GJA8: variants seen among roughly 807,000 people sequenced by gnomAD.
The protein encoded by GJA8 is gap junction protein alpha 8, also known as gap junction alpha-8 protein.
A neutral mutation model predicts 15.3 loss-of-function variants in GJA8; 13 were observed. The ratio of observed to expected loss-of-function variants is 0.85; its 90% CI spans 0.55 to 1.35. The LOEUF is 1.35. GJA8 is among the 40% of genes most tolerant of loss of function. The pLI is 0.00. For synonymous variants in GJA8, 304 were observed against 238.7 expected, an observed-to-expected ratio of 1.27 and a Z score of -2.52; for missense variants, 607 against 553.3, an observed-to-expected ratio of 1.10 and a Z score of -0.97.
At chr1:147,905,873 AT>A (rs1651778685) in intron 1 of GJA8, among the ~76,000 whole-genome samples, 1 of 152,194 alleles carries the variant, frequency 6.6e-6, no homozygotes, top group Non-Finnish European at 1.5e-5. Context: ...ATGACTGGGG[AT>A]GCCACAGCTG....
chr1:147,905,378 G>A (rs1421497010), intron 1 of GJA8, among the ~76,000 whole-genome samples: 1 of 152,182 alleles, frequency 6.6e-6, no homozygotes, highest in Admixed American at 6.5e-5. Flanking sequence ...TTAACATACA[G>A]GACTGAGAGC....
chr1:147,908,499 C>T lies in GJA8; in HGVS notation c.544C>T (p.Arg182Cys), dbSNP rs782253888. ...LYGFRILPLY[R>C]CSRWPCPNVV... ...CGGGTTCCGGATCCTGCCTCTGTAC[C>T]GCTGCAGCCGGTGGCCCTGCCCCAA... The change falls in exon 2 of 2, where the codon CGC becomes TGC. Residue 182 changes from arginine (R) to cysteine (C), a missense_variant. Arg to Cys is a radical substitution (Grantham distance 180). Transcript: ENST00000369235. 1.1e-5 allele frequency: 18 copies of T among 1,614,054 alleles called. No individual in the cohort carries two copies. The highest frequency in any genetic ancestry group is 6.7e-5 in the Admixed American group (4 of 60,010).
At position 147,908,037 on chromosome 1, in the gene GJA8, G is replaced by A. The variant is rs1202852786; in HGVS notation, c.82G>A (p.Val28Met). 3.7e-6 allele frequency: 6 copies of A among 1,613,952 alleles called. No individual in the cohort carries two copies. Among genetic ancestry groups the A allele is most frequent in the Non-Finnish European group, 4.2e-6 (5 of 1,179,928 alleles). ...CGTCATCGGCAGAGTCTGGCTCACC[G>A]TGCTTTTCATCTTCCGGATCCTCAT... ...STVIGRVWLT[V>M]LFIFRILILG... The change falls in exon 2 of 2, where the codon GTG (valine) becomes ATG (methionine). Residue 28 changes from valine (V) to methionine (M), a missense_variant. Physicochemically the swap from Val to Met is conservative, Grantham distance 21. Coordinates refer to ENST00000369235, the MANE Select transcript of GJA8 (RefSeq NM_005267.5).
rs80358202 is a variant in GJA8 at position 147,908,696 on chromosome 1, T to G, written c.741T>G (p.Ile247Met). Residue 247 changes from isoleucine to methionine, a missense_variant, in exon 2 of 2, where the codon ATT (isoleucine) becomes ATG (methionine). Ile to Met is a conservative substitution (Grantham distance 10). Transcript: ENST00000369235. ...CTGTAGAGCAGCCCCTGGGGGAGAT[T>G]CCTGAGAAATCCCTCCACTCCATTG... ...KRPVEQPLGEIPEKSLHSIAV... is the reference protein window; with the variant it reads ...KRPVEQPLGEMPEKSLHSIAV... 5,733 of 1,613,980 alleles carry G rather than the reference T, an allele frequency of 3.6e-3. 25 individuals carry two copies. Among genetic ancestry groups the G allele is most frequent in the Non-Finnish European group, 3.8e-3 (4,451 of 1,179,976 alleles).
chr1:147,907,346 A>C (rs1324687459), intron 1 of GJA8, among the ~76,000 whole-genome samples: 1 of 152,240 alleles, frequency 6.6e-6, no homozygotes, highest in Non-Finnish European at 1.5e-5. Context: ...ATCAAGTTAA[A>C]TGAAATAATA....
downstream of GJA8, among the ~76,000 whole-genome samples, chr1:147,913,092 GT>G (rs1652242931): frequency 6.6e-6 from 1 of 151,992 alleles, no homozygotes; most frequent in Non-Finnish European, 1.5e-5. Flanking sequence ...CTGACTCTGG[GT>G]ATTCCAAGAT....
At position 147,908,508 on chromosome 1, in the gene GJA8, C is replaced by G. The variant is rs201445539; in HGVS notation, c.553C>G (p.Arg185Gly). 3.1e-6 allele frequency: 5 copies of G among 1,614,172 alleles called. No homozygotes were observed. The highest frequency in any genetic ancestry group is 3.3e-5 in the Admixed American group (2 of 60,022). The change falls in exon 2 of 2, where the codon CGG (arginine) becomes GGG (glycine). Residue 185 changes from arginine to glycine, a missense_variant. Physicochemically the swap from Arg to Gly is moderately radical, Grantham distance 125 (BLOSUM62 -2). Coordinates refer to ENST00000369235, the MANE Select transcript of GJA8 (RefSeq NM_005267.5). ...GATCCTGCCTCTGTACCGCTGCAGCCGGTGGCCCTGCCCCAATGTGGTGGA... is the reference window on the plus strand; with the variant it reads ...GATCCTGCCTCTGTACCGCTGCAGCGGGTGGCCCTGCCCCAATGTGGTGGA... ...FRILPLYRCS[R>G]WPCPNVVDCF...
downstream of GJA8, among the ~76,000 whole-genome samples, chr1:147,911,615 T>C (rs1424797849): frequency 6.6e-6 from 1 of 152,142 alleles, no homozygotes; most frequent in Admixed American, 6.5e-5. Flanking sequence ...ACAGACTTTC[T>C]CCTATATGGT....
chr1:147,906,726 A>T (rs1328179146), intron 1 of GJA8, among the ~76,000 whole-genome samples: 1 of 152,214 alleles, frequency 6.6e-6, no homozygotes, highest in African/African-American at 2.4e-5. Context: ...AGAGCACAGA[A>T]GTCAAAGAAT....
Position 147,908,076 on chromosome 1 carries a change from G to T in GJA8, c.121G>T (p.Ala41Ser). The change falls in exon 2 of 2, where the codon GCA becomes TCA. Residue 41 changes from alanine to serine, a missense_variant. By Grantham distance (99) the Ala-to-Ser change is moderately conservative (BLOSUM62 1). Coordinates refer to ENST00000369235, the MANE Select transcript of GJA8 (RefSeq NM_005267.5). ...CCGGATCCTCATCCTTGGCACGGCC[G>T]CAGAGTTCGTGTGGGGGGATGAGCA... is the stretch of plus-strand genomic sequence containing the variant. Reference protein sequence around the residue: ...IFRILILGTAAEFVWGDEQSD... With the variant: ...IFRILILGTASEFVWGDEQSD... The T allele has an allele frequency of 6.2e-7, 1 of 1,614,124 alleles. No individual in the cohort carries two copies. Among genetic ancestry groups the T allele is most frequent in the African/African-American group, 1.3e-5 (1 of 75,048 alleles).
chr1:147,908,937 G>A lies in GJA8; in HGVS notation c.982G>A (p.Ala328Thr). The change falls in exon 2 of 2, where the codon GCA (alanine) becomes ACA (threonine). Residue 328 changes from alanine to threonine, a missense_variant. By Grantham distance (58) the Ala-to-Thr change is moderately conservative. Transcript: ENST00000369235. ...ACTGCCTTCCTACGCTCAGGTGGGG[G>A]CACAAGAAGTGGAGGGCGAGGGGCC... The part of the protein sequence containing the change: ...ETLPSYAQVG[A>T]QEVEGEGPPA... 2 of 1,609,712 alleles carry A rather than the reference G, an allele frequency of 1.2e-6. No homozygotes were observed. The highest frequency in any genetic ancestry group is 1.7e-6 in the Non-Finnish European group (2 of 1,177,036).
chr1:147,909,874 C>CT (rs782290011), downstream of GJA8, among the ~76,000 whole-genome samples: 14 of 151,850 alleles, frequency 9.2e-5, no homozygotes, highest in African/African-American at 2.7e-4. Context: ...GAAATCCAAC[C>CT]TTTTTTTTAG....
chr1:147,912,895 TAAAAAA>T (rs782718322), downstream of GJA8, among the ~76,000 whole-genome samples: 2 of 118,986 alleles, frequency 1.7e-5, no homozygotes, highest in Admixed American at 1.8e-4. Flanking sequence ...GGGCATTATT[TAAAAAA>T]AAAAAAAAAA....
downstream of GJA8, among the ~76,000 whole-genome samples, chr1:147,910,586 G>A (rs1161219027): frequency 6.6e-6 from 1 of 152,218 alleles, no homozygotes; most frequent in Non-Finnish European, 1.5e-5. Flanking sequence ...AGGCCTGGTT[G>A]TAGTTTGTTT....
chr1:147,909,246 C>G lies in GJA8; in HGVS notation c.1291C>G (p.Leu431Val). 2.5e-6 allele frequency: 3 copies of G among 1,212,352 alleles called. No homozygotes were observed. Among genetic ancestry groups the G allele is most frequent in the Non-Finnish European group, 3.5e-6 (3 of 849,078 alleles). 75.1% of individuals were successfully genotyped at this position (1,212,352 alleles called of 1,614,324 possible). Residue 431 changes from leucine to valine, a missense_variant, in exon 2 of 2, where the codon CTA (leucine) becomes GTA (valine). Physicochemically the swap from Leu to Val is conservative, Grantham distance 32 (BLOSUM62 1). Transcript: ENST00000369235. ...KASSRARSDDLTV is the reference protein window; with the variant it reads ...KASSRARSDDVTV The stretch of plus-strand genomic sequence containing the variant: ...CAGCAGCCGAGCCAGGTCAGACGAT[C>G]TAACCGTATGAAGTGACGCCAAAGA...
chr1:147,913,959 T>C (rs1187236058), downstream of GJA8, among the ~76,000 whole-genome samples: 11 of 152,072 alleles, frequency 7.2e-5, no homozygotes. Flanking sequence ...TAACTAAATA[T>C]GTACTTGGGG....
At chr1:147,911,435 G>GA (rs1224541201), downstream of GJA8, among the ~76,000 whole-genome samples, 14 of 152,092 alleles carry the variant, frequency 9.2e-5, no homozygotes, top group Admixed American at 2.6e-4. Flanking sequence ...TACTCCTGGG[G>GA]AAAAAACTGC....
Position 147,908,012 on chromosome 1 carries a change from CG to C in GJA8, c.58del (p.Val20SerfsTer71). 6.2e-7 allele frequency: 1 copy of C among 1,614,042 alleles called. No individual in the cohort carries two copies. Among genetic ancestry groups the C allele is most frequent in the Admixed American group, 1.7e-5 (1 of 60,026 alleles). ...TGGAGGAGGTGAATGAGCACTCCAC[CG>C]TCATCGGCAGAGTCTGGCTCACCGT... Reference protein sequence around the residue: ...ILEEVNEHSTVIGRVWLTVLF... With the variant: ...ILEEVNEHSTXIGRVWLTVLF... On this transcript the variant is annotated frameshift_variant, in exon 2 of 2. Transcript: ENST00000369235. LOFTEE classifies it high-confidence loss of function.
At chr1:147,911,110 G>A (rs1296135485), downstream of GJA8, among the ~76,000 whole-genome samples, 1 of 152,132 alleles carries the variant, frequency 6.6e-6, no homozygotes, top group Admixed American at 6.5e-5. Flanking sequence ...AGGGTAGGAG[G>A]TATAGAAACC....
Sources: allele counts gnomAD v4.1 joint callset (sites outside exome capture counted in the v4.1 genomes callset), GRCh38; gene constraint gnomAD v4.1.1; transcripts MANE v1.5; gene names NCBI Gene and HGNC (gene_info 2026-07-23, HGNC 2026-07-21).